The following STAU2 variants were observed in gnomAD, a reference collection of about 807,000 sequenced individuals.
The protein encoded by STAU2 is double-stranded RNA-binding protein Staufen homolog 2.
In STAU2, 20 loss-of-function variants were observed where a neutral mutation model predicts 65.9. That is an observed-to-expected ratio of 0.30 (90% CI 0.21 to 0.44). STAU2 has a LOEUF of 0.44. Among genes scored for constraint, STAU2 ranks in the 20% least tolerant of loss-of-function variants. The pLI, the probability that STAU2 is intolerant of heterozygous loss-of-function variation, is 1.00. For missense variants in STAU2, 558 were observed against 683.9 expected, an observed-to-expected ratio of 0.82 and a Z score of 2.05; for synonymous variants, 232 against 233.9, an observed-to-expected ratio of 0.99 and a Z score of 0.07.
Position 73,495,173 on chromosome 8 carries a change from T to C in STAU2, c.1530+56839A>G, listed in dbSNP as rs368239219. Among the ~76,000 whole-genome samples, 112 of 151,592 alleles carry C rather than the reference T, an allele frequency of 7.4e-4. 1 individual carries two copies. The South Asian group carries it at 0.021, about 29-fold the overall frequency. The stretch of plus-strand genomic sequence containing the variant: ...TACTTTGTATCACATTCTGGGATGG[T>C]TGGGTGTAATGCAAAAATATCATGT... On this transcript the variant is annotated intron_variant, in intron 13 of 14. Transcript: ENST00000524300.
At chr8:73,617,506 C>A in intron 6 of STAU2, 55 bp from the exon 7 acceptor site, 2 of 1,510,808 alleles carry the variant, frequency 1.3e-6, no homozygotes, top group South Asian at 1.2e-5. Context: ...ACTCTATAAT[C>A]ATTCATAAGA....
intron 13 of STAU2, among the ~76,000 whole-genome samples, chr8:73,543,982 C>T (rs995101760): frequency 1.1e-4 from 17 of 152,196 alleles, no homozygotes; most frequent in African/African-American, 3.4e-4. Flanking sequence ...TCGAATTCCA[C>T]GTTTAAAATG....
chr8:73,664,903 A>T (rs894619939), intron 6 of STAU2, among the ~76,000 whole-genome samples: 2 of 152,112 alleles, frequency 1.3e-5, no homozygotes, highest in Non-Finnish European at 2.9e-5. Context: ...GAGGCATGAG[A>T]ATCGCTCGAA....
chr8:73,614,930 T>C (rs1037087664), intron 8 of STAU2, among the ~76,000 whole-genome samples: 1 of 152,168 alleles, frequency 6.6e-6, no homozygotes, highest in Non-Finnish European at 1.5e-5. Flanking sequence ...CTTGTAAGAA[T>C]GTGTCCAAGA....
chr8:73,729,222 G>A (rs930904460), intron 3 of STAU2, among the ~76,000 whole-genome samples: 1 of 152,126 alleles, frequency 6.6e-6, no homozygotes, highest in African/African-American at 2.4e-5. Flanking sequence ...TTAATGTGTT[G>A]TACTACACCA....
chr8:73,498,568 T>C (rs1407551484), intron 13 of STAU2, among the ~76,000 whole-genome samples: 1 of 151,866 alleles, frequency 6.6e-6, no homozygotes, highest in African/African-American at 2.4e-5. Context: ...CATCATTAAG[T>C]ACTTCATTTG....
At chr8:73,740,658 G>A (rs572187975) in intron 1 of STAU2, among the ~76,000 whole-genome samples, 5 of 151,876 alleles carry the variant, frequency 3.3e-5, no homozygotes, top group Non-Finnish European at 7.4e-5. Flanking sequence ...AGTAAAGTGT[G>A]AATAACCACT....
At chr8:73,509,649 G>A (rs373497879) in intron 13 of STAU2, among the ~76,000 whole-genome samples, 2 of 152,014 alleles carry the variant, frequency 1.3e-5, no homozygotes, top group African/African-American at 2.4e-5. Flanking sequence ...ATTACTGGGT[G>A]TAAATCGTAA....
intron 12 of STAU2, among the ~76,000 whole-genome samples, chr8:73,555,967 T>G (rs1445049180): frequency 6.6e-6 from 1 of 152,218 alleles, no homozygotes; most frequent in Non-Finnish European, 1.5e-5. Context: ...GAAAACATTA[T>G]GTACTGAAAA....
At chr8:73,521,620 T>G (rs543616171) in intron 13 of STAU2, among the ~76,000 whole-genome samples, 18 of 152,316 alleles carry the variant, frequency 1.2e-4, no homozygotes, top group African/African-American at 3.8e-4. Flanking sequence ...GGAACTGCAT[T>G]TCCAATTTTG....
intron 13 of STAU2, chr8:73,550,106 A>T: frequency 1.0e-6 from 1 of 985,412 alleles, no homozygotes; most frequent in South Asian, 4.7e-5. Flanking sequence ...TCAATGACAG[A>T]GTATTTTACA....
chr8:73,524,343 C>T (rs551162618), intron 13 of STAU2, among the ~76,000 whole-genome samples: 13 of 152,172 alleles, frequency 8.5e-5, no homozygotes, highest in African/African-American at 2.9e-4. Flanking sequence ...GAGGTAGGAG[C>T]AGGCATGGTA....
intron 4 of STAU2, among the ~76,000 whole-genome samples, chr8:73,695,038 G>A (rs1366432249): frequency 6.6e-6 from 1 of 152,138 alleles, no homozygotes; most frequent in African/African-American, 2.4e-5. Flanking sequence ...TCTAGGACAC[G>A]AGACTGTGCT....
At chr8:73,436,565 A>ATTTT (rs1554589591) in intron 13 of STAU2, among the ~76,000 whole-genome samples, 1 of 83,776 alleles carries the variant, frequency 1.2e-5, no homozygotes, top group African/African-American at 5.5e-5. Context: ...TATTTTGCCA[A>ATTTT]TTTTTTATTT....
intron 12 of STAU2, among the ~76,000 whole-genome samples, chr8:73,562,885 AG>A (rs1212897749): frequency 6.6e-6 from 1 of 152,068 alleles, no homozygotes; most frequent in African/African-American, 2.4e-5. Flanking sequence ...CTAAGGCAAA[AG>A]GGCTGCTTGA....
chr8:73,704,047 T>G (rs1270599453), intron 4 of STAU2, among the ~76,000 whole-genome samples: 2 of 152,180 alleles, frequency 1.3e-5, no homozygotes, highest in East Asian at 3.8e-4. Context: ...ATACTTCCAC[T>G]GCAAATGTAC....
At chr8:73,590,198 G>A (rs1391910740) in intron 11 of STAU2, among the ~76,000 whole-genome samples, 1 of 124,850 alleles carries the variant, frequency 8.0e-6, no homozygotes, top group Non-Finnish European at 1.7e-5. Context: ...GGAGAAGGAA[G>A]AAAAATAGAA....
intron 11 of STAU2, among the ~76,000 whole-genome samples, chr8:73,584,091 T>C (rs1289866957): frequency 1.3e-5 from 2 of 152,152 alleles, no homozygotes; most frequent in Non-Finnish European, 2.9e-5. Flanking sequence ...GACAAGGAAA[T>C]ATATAGTGGC....
intron 13 of STAU2, among the ~76,000 whole-genome samples, chr8:73,531,528 C>T (rs1805816570): frequency 6.6e-6 from 1 of 152,054 alleles, no homozygotes; most frequent in Non-Finnish European, 1.5e-5. Context: ...AAGAAAAAGT[C>T]ACATTTTACA....
Sources: gnomAD v4.1 joint callset for allele counts (sites outside exome capture counted in the v4.1 genomes callset) on GRCh38, gnomAD v4.1.1 for gene constraint, MANE v1.5 for transcripts, NCBI Gene and HGNC (gene_info 2026-07-23, HGNC 2026-07-21) for gene names.